CPLANE1: variants seen among roughly 807,000 people sequenced by gnomAD.
CPLANE1 encodes the protein ciliogenesis and planar polarity effector complex subunit 1.
CPLANE1 carries 263 observed loss-of-function variants against 362.5 expected under a neutral mutation model. The ratio of observed to expected loss-of-function variants is 0.73; its 90% CI spans 0.66 to 0.80. The LOEUF is 0.80. CPLANE1 is among the 30% of genes least tolerant of loss of function. CPLANE1 has a pLI of 0.00. For missense variants in CPLANE1, 3,461 were observed against 3,793.4 expected (o/e 0.91, Z 2.30); for synonymous variants, 1,212 against 1,302.6 (o/e 0.93, Z 1.50).
chr5:37,172,898 C>T (rs1004849904), intron 32 of CPLANE1, among the ~76,000 whole-genome samples: 7 of 152,098 alleles, frequency 4.6e-5, no homozygotes, highest in African/African-American at 7.2e-5. Flanking sequence ...AGGCAGAAGA[C>T]GCTTGAACCT....
At chr5:37,226,019 G>T (rs920289339) in intron 12 of CPLANE1, among the ~76,000 whole-genome samples, 1 of 151,804 alleles carries the variant, frequency 6.6e-6, no homozygotes. Context: ...CATTTATCAC[G>T]TATAACATGA....
chr5:37,104,558 C>A (rs1233511243), downstream of CPLANE1, among the ~76,000 whole-genome samples: 1 of 151,652 alleles, frequency 6.6e-6, no homozygotes, highest in South Asian at 2.1e-4. Context: ...CGAGATTGCA[C>A]CACTGCACTC....
In CPLANE1 at chr5:37,239,825, A is replaced by G; in HGVS notation, c.722T>C (p.Leu241Pro). The part of the protein sequence containing the change: ...HVHWAQQDCH[L>P]CSLIPKCESV... Reference sequence around the variant, plus strand: ...TTCACATTTAGGAATTAAACTACAGAGATGACAGTCTTGTTGAGCCCAATG... The same window carrying G: ...TTCACATTTAGGAATTAAACTACAGGGATGACAGTCTTGTTGAGCCCAATG... The change falls in exon 7 of 53, where the codon CTC (leucine) becomes CCC (proline). Residue 241 changes from leucine (L) to proline (P), a missense_variant. By Grantham distance (98) the Leu-to-Pro change is moderately conservative. Around this residue, in one of 2 missense-constraint regions of CPLANE1, gnomAD observed 3,380 missense variants for 3,666.1 expected, o/e 0.92. Coordinates refer to ENST00000651892, the MANE Select transcript of CPLANE1 (RefSeq NM_001384732.1). 6.5e-7 allele frequency: 1 copy of G among 1,541,328 alleles called. No individual in the cohort carries two copies. The highest frequency in any genetic ancestry group is 8.8e-7 in the Non-Finnish European group (1 of 1,141,028).
rs922338701 is a variant in CPLANE1, at chr5:37,217,981, AAAAAATAAAAAT to A, written c.2746+3331_2746+3342del. ...GTGACAAGAGCGAGACTCCATCTCA[AAAAAATAAAAAT>A]AAAAATAAAAATAATAGAAACCCTA... On this transcript the variant is annotated intron_variant, in intron 15 of 52. Coordinates refer to ENST00000651892, the MANE Select transcript of CPLANE1 (RefSeq NM_001384732.1). Among the ~76,000 whole-genome samples, 4 of 152,204 alleles carry A rather than the reference AAAAAATAAAAAT, an allele frequency of 2.6e-5. No individual in the cohort carries two copies. The East Asian group carries it at 5.8e-4, about 22-fold the overall frequency.
At chr5:37,165,501 T>C (rs1441874534) in intron 36 of CPLANE1, 38 bp downstream of exon 36, 1 of 1,601,062 alleles carries the variant, frequency 6.2e-7, no homozygotes. Context: ...TCAGTGTACA[T>C]GCAAACCAGG....
chr5:37,169,647 G>T, intron 33 of CPLANE1, 86 bp from the exon 34 acceptor site: 1 of 1,172,436 alleles, frequency 8.5e-7, no homozygotes, highest in Non-Finnish European at 1.2e-6. Flanking sequence ...GTTTTGCAGT[G>T]GGTAGAATGT....
intron 38 of CPLANE1, among the ~76,000 whole-genome samples, chr5:37,159,354 A>G (rs937308383): frequency 6.1e-4 from 76 of 124,368 alleles, no homozygotes; most frequent in East Asian, 4.0e-3. Flanking sequence ...CTCATGATTC[A>G]CCCGCCTCGG....
At chr5:37,217,392 G>C (rs1331886279) in intron 15 of CPLANE1, among the ~76,000 whole-genome samples, 1 of 152,022 alleles carries the variant, frequency 6.6e-6, no homozygotes, top group Non-Finnish European at 1.5e-5. Flanking sequence ...GATCACCTGA[G>C]GTCAGGAGTT....
intron 42 of CPLANE1, among the ~76,000 whole-genome samples, chr5:37,150,739 C>T (rs1351494486): frequency 2.6e-5 from 4 of 152,158 alleles, no homozygotes; most frequent in African/African-American, 9.7e-5. Flanking sequence ...TTTAGTGGAT[C>T]TCAAACACTT....
At chr5:37,194,498 G>GC (rs1202543133) in intron 21 of CPLANE1, among the ~76,000 whole-genome samples, 2 of 151,950 alleles carry the variant, frequency 1.3e-5, no homozygotes, top group Non-Finnish European at 2.9e-5. Context: ...CACCTGCCTG[G>GC]CCCTTTTGTT....
At chr5:37,235,574 T>C (rs987568313) in intron 8 of CPLANE1, among the ~76,000 whole-genome samples, 8 of 142,528 alleles carry the variant, frequency 5.6e-5, no homozygotes, top group African/African-American at 1.9e-4. Context: ...TTTCTTTTTT[T>C]TTTTTTTTTT....
At chr5:37,241,880 T>TCGG (rs1800597114) in intron 6 of CPLANE1, among the ~76,000 whole-genome samples, 1 of 152,048 alleles carries the variant, frequency 6.6e-6, no homozygotes, top group Non-Finnish European at 1.5e-5. Flanking sequence ...TCCTCCTGCC[T>TCGG]CGGCCTCCCA....
chr5:37,231,243 A>G (rs1162864607), intron 8 of CPLANE1, among the ~76,000 whole-genome samples, 194 bp from the exon 9 acceptor site: 1 of 152,246 alleles, frequency 6.6e-6, no homozygotes, highest in Non-Finnish European at 1.5e-5. Context: ...ATAAACATCT[A>G]TTTCAACAAT....
intron 16 of CPLANE1, among the ~76,000 whole-genome samples, chr5:37,206,856 G>A (rs79929045): frequency 0.012 from 1,809 of 151,780 alleles, 35 homozygotes; most frequent in African/African-American, 0.041. Flanking sequence ...GGGATGCTCA[G>A]AAATACATGT....
At chr5:37,195,058 G>A (rs1002785553) in intron 21 of CPLANE1, among the ~76,000 whole-genome samples, 16 of 151,756 alleles carry the variant, frequency 1.1e-4, no homozygotes, top group Non-Finnish European at 1.6e-4. Context: ...GGGAGGCTGA[G>A]GCAGGAGAAT....
the CPLANE1 span, among the ~76,000 whole-genome samples, chr5:37,098,386 G>C: frequency 1.4e-5 from 1 of 73,906 alleles, no homozygotes; most frequent in East Asian, 3.8e-4. Flanking sequence ...GCAAAACTCC[G>C]TCTCAAAAAA....
chr5:37,236,855 A>T (rs1799109942), intron 8 of CPLANE1, among the ~76,000 whole-genome samples: 1 of 152,220 alleles, frequency 6.6e-6, no homozygotes, highest in African/African-American at 2.4e-5. Flanking sequence ...TGCAAATTAA[A>T]ACCACAACGA....
intron 16 of CPLANE1, chr5:37,211,976 G>T (rs1468677448): frequency 6.6e-6 from 6 of 905,424 alleles, no homozygotes; most frequent in Non-Finnish European, 1.1e-5. Context: ...GTGTAGATCA[G>T]AAACAAATTG....
intron 20 of CPLANE1, among the ~76,000 whole-genome samples, chr5:37,196,855 C>T (rs1478503080): frequency 6.6e-6 from 1 of 151,804 alleles, no homozygotes; most frequent in South Asian, 2.1e-4. Flanking sequence ...AACCCGGGAG[C>T]CGGAGGTTGC....
Sources: gnomAD v4.1 joint callset for allele counts (sites outside exome capture counted in the v4.1 genomes callset) on GRCh38, gnomAD v4.1.1 for gene constraint, gnomAD v4.1.1 regional missense constraint, MANE v1.5 for transcripts, NCBI Gene and HGNC (gene_info 2026-07-23, HGNC 2026-07-21) for gene names.